The following GALNTL6 variants were observed in gnomAD, a reference collection of about 807,000 sequenced individuals.
GALNTL6 encodes the protein polypeptide N-acetylgalactosaminyltransferase-like 6.
Under a neutral mutation model 73.7 loss-of-function variants are expected in GALNTL6, and 46 were observed. The observed-to-expected ratio is 0.62, with a 90% CI of 0.49 to 0.80. The LOEUF (loss-of-function observed/expected upper bound fraction) is 0.80. Among genes scored for constraint, GALNTL6 ranks in the 30% least tolerant of loss-of-function variants. GALNTL6 has a pLI of 0.00. For synonymous variants in GALNTL6, 259 were observed against 263.7 expected (o/e 0.98, Z 0.17); for missense variants, 604 against 755.0 (o/e 0.80, Z 2.34).
chr4:172,635,593 G>A (rs972235461), intron 5 of GALNTL6, among the ~76,000 whole-genome samples: 2 of 151,976 alleles, frequency 1.3e-5, no homozygotes, highest in African/African-American at 4.8e-5. Flanking sequence ...ATAATTTCCT[G>A]TTTAGATTAC....
At chr4:172,358,477 TAG>T (rs1742245243) in intron 5 of GALNTL6, among the ~76,000 whole-genome samples, 1 of 152,220 alleles carries the variant, frequency 6.6e-6, no homozygotes, top group African/African-American at 2.4e-5. Flanking sequence ...CACAAATTCG[TAG>T]AGTTTCTTAA....
intron 12 of GALNTL6, among the ~76,000 whole-genome samples, chr4:173,033,541 T>C (rs1249564410): frequency 2.0e-5 from 3 of 152,120 alleles, no homozygotes; most frequent in East Asian, 1.9e-4. Context: ...GCTCAAAGGA[T>C]AGTCAAATAT....
At chr4:172,780,484 GT>G (rs879643698) in intron 5 of GALNTL6, among the ~76,000 whole-genome samples, 32 of 152,246 alleles carry the variant, frequency 2.1e-4, no homozygotes, top group African/African-American at 6.7e-4. Flanking sequence ...CAGTTTGAAG[GT>G]TTGAGGTATT....
intron 2 of GALNTL6, among the ~76,000 whole-genome samples, chr4:172,134,725 A>C (rs1282248325): frequency 1.3e-5 from 2 of 152,192 alleles, no homozygotes; most frequent in Admixed American, 6.5e-5. Context: ...GTTGTAACAA[A>C]TAGCTACCAT....
chr4:172,820,380 AACC>A (rs1741855890), intron 7 of GALNTL6, among the ~76,000 whole-genome samples: 1 of 152,222 alleles, frequency 6.6e-6, no homozygotes. Flanking sequence ...GGGTTACCTT[AACC>A]TATTCAAAAT....
chr4:171,982,326 C>T (rs928018794), intron 2 of GALNTL6, among the ~76,000 whole-genome samples: 4 of 152,110 alleles, frequency 2.6e-5, no homozygotes, highest in Admixed American at 2.0e-4. Context: ...GATACGGAGT[C>T]TCGCTCTGTC....
At chr4:171,822,008 AAAG>A (rs1287398713) in intron 2 of GALNTL6, among the ~76,000 whole-genome samples, 1 of 152,190 alleles carries the variant, frequency 6.6e-6, no homozygotes, top group African/African-American at 2.4e-5. Flanking sequence ...ATAAAAAAGA[AAAG>A]AAAAAAGGCA....
At chr4:172,315,550 C>T (rs1008468064) in intron 4 of GALNTL6, among the ~76,000 whole-genome samples, 1 of 152,122 alleles carries the variant, frequency 6.6e-6, no homozygotes, top group South Asian at 2.1e-4. Context: ...TGTGCCTGGC[C>T]CTGGTTGATT....
At chr4:172,758,789 C>G (rs1487844652) in intron 5 of GALNTL6, among the ~76,000 whole-genome samples, 3 of 152,192 alleles carry the variant, frequency 2.0e-5, no homozygotes, top group Non-Finnish European at 2.9e-5. Context: ...GATGTAAACA[C>G]TACCCATCTA....
chr4:172,358,897 G>A (rs987580460), intron 5 of GALNTL6, among the ~76,000 whole-genome samples: 39 of 145,898 alleles, frequency 2.7e-4, no homozygotes, highest in African/African-American at 9.5e-4. Context: ...GGCTGGTGAG[G>A]TTCAGAGAAA....
chr4:172,133,624 G>A (rs1263224492), intron 2 of GALNTL6, among the ~76,000 whole-genome samples: 1 of 152,196 alleles, frequency 6.6e-6, no homozygotes, highest in East Asian at 1.9e-4. Context: ...ATTTGTATGG[G>A]GTTGAGATAA....
intron 2 of GALNTL6, among the ~76,000 whole-genome samples, chr4:171,901,004 G>A (rs1299968132): frequency 2.0e-5 from 3 of 152,104 alleles, no homozygotes; most frequent in African/African-American, 7.2e-5. Flanking sequence ...TCCAAAACAG[G>A]CCAGGAAGAC....
intron 2 of GALNTL6, among the ~76,000 whole-genome samples, chr4:172,065,456 C>A (rs774052630): frequency 4.6e-5 from 7 of 152,054 alleles, no homozygotes; most frequent in Non-Finnish European, 8.8e-5. Flanking sequence ...ATTACTCCAA[C>A]CTGAAAAATA....
At chr4:172,103,326 T>A (rs1224232349) in intron 2 of GALNTL6, among the ~76,000 whole-genome samples, 1 of 152,200 alleles carries the variant, frequency 6.6e-6, no homozygotes, top group Non-Finnish European at 1.5e-5. Flanking sequence ...GTCGTATTAA[T>A]CTAAAAGCTG....
intron 11 of GALNTL6, among the ~76,000 whole-genome samples, chr4:173,020,424 T>A (rs1249536668): frequency 6.6e-6 from 1 of 152,206 alleles, no homozygotes; most frequent in Non-Finnish European, 1.5e-5. Context: ...GGATGGAATA[T>A]CAGAGTCAAT....
intron 5 of GALNTL6, among the ~76,000 whole-genome samples, chr4:172,374,327 A>G (rs1030222130): frequency 3.3e-5 from 5 of 152,170 alleles, no homozygotes. Context: ...ATTTTAGAAC[A>G]CCGAGGTTGA....
chr4:172,789,863 C>T (rs1007843197), intron 5 of GALNTL6, among the ~76,000 whole-genome samples: 15 of 152,092 alleles, frequency 9.9e-5, no homozygotes, highest in African/African-American at 3.6e-4. Flanking sequence ...CTAACACACC[C>T]AACATTATAA....
intron 5 of GALNTL6, among the ~76,000 whole-genome samples, chr4:172,752,491 A>G (rs1023462883): frequency 1.3e-5 from 2 of 152,114 alleles, no homozygotes; most frequent in Non-Finnish European, 2.9e-5. Flanking sequence ...ATAATTATTT[A>G]TAATAACTAT....
intron 5 of GALNTL6, among the ~76,000 whole-genome samples, chr4:172,761,783 G>T (rs1468919633): frequency 6.6e-6 from 1 of 151,664 alleles, no homozygotes; most frequent in Non-Finnish European, 1.5e-5. Flanking sequence ...AGGCCTCCTA[G>T]TCATGCTTCC....
Sources: allele counts gnomAD v4.1 joint callset (sites outside exome capture counted in the v4.1 genomes callset), GRCh38; gene constraint gnomAD v4.1.1; transcripts MANE v1.5; gene names NCBI Gene and HGNC (gene_info 2026-07-23, HGNC 2026-07-21).